JAK2: variants seen among roughly 807,000 people sequenced by gnomAD.
JAK2 encodes Janus kinase 2.
A neutral mutation model predicts 139.3 loss-of-function variants in JAK2; 86 were observed. The ratio of observed to expected loss-of-function variants is 0.62; its 90% CI spans 0.52 to 0.74. JAK2 has a LOEUF of 0.74. Among genes scored for constraint, JAK2 ranks in the 30% least tolerant of loss-of-function variants. JAK2 has a pLI of 0.00. For missense variants in JAK2, 1,421 were observed against 1,360.3 expected, an observed-to-expected ratio of 1.04 and a Z score of -0.70; for synonymous variants, 490 against 437.7, an observed-to-expected ratio of 1.12 and a Z score of -1.49.
At chr9:5,032,207 G>A (rs1469059593) in intron 4 of JAK2, among the ~76,000 whole-genome samples, 1 of 151,966 alleles carries the variant, frequency 6.6e-6, no homozygotes, top group Non-Finnish European at 1.5e-5. Context: ...GGGGAGGGGC[G>A]CCCGCCATTG....
At chr9:5,007,640 G>A (rs367635471) in intron 2 of JAK2, among the ~76,000 whole-genome samples, 3 of 151,474 alleles carry the variant, frequency 2.0e-5, no homozygotes, top group Admixed American at 6.6e-5. Flanking sequence ...AAGTAATTGC[G>A]TTTTTTACTC....
intron 22 of JAK2, among the ~76,000 whole-genome samples, chr9:5,115,709 C>T (rs1174838670): frequency 6.6e-6 from 1 of 152,206 alleles, no homozygotes; most frequent in Non-Finnish European, 1.5e-5. Context: ...GACACATATA[C>T]ACCATGGAAT....
intron 14 of JAK2, 83 bp from the exon 15 acceptor site, chr9:5,077,370 A>ATGTAAG: frequency 6.3e-6 from 3 of 474,446 alleles, no homozygotes; most frequent in African/African-American, 4.1e-5. Context: ...TAATGGTCAC[A>ATGTAAG]TGTAAGTATA....
At chr9:5,004,208 T>C (rs1234217722) in intron 2 of JAK2, among the ~76,000 whole-genome samples, 1 of 152,204 alleles carries the variant, frequency 6.6e-6, no homozygotes, top group Non-Finnish European at 1.5e-5. Context: ...ATCACCATGA[T>C]GTACAATAGA....
At chr9:4,995,663 A>C (rs1272009916) in intron 2 of JAK2, among the ~76,000 whole-genome samples, 1 of 152,192 alleles carries the variant, frequency 6.6e-6, no homozygotes, top group East Asian at 1.9e-4. Flanking sequence ...TTTGTTTCCA[A>C]GTCCTGTATA....
At chr9:5,123,222 T>A in intron 23 of JAK2, 101 bp downstream of exon 23, 1 of 699,110 alleles carries the variant, frequency 1.4e-6, no homozygotes, top group Non-Finnish European at 2.5e-6. Flanking sequence ...ATACATTGCA[T>A]AGTGGTGAAG....
At chr9:5,112,465 CG>C in intron 22 of JAK2, 1 of 543,486 alleles carries the variant, frequency 1.8e-6, no homozygotes. Context: ...GAAGGACCCC[CG>C]GGACCGGACC....
chr9:4,991,678 C>T (rs778364716), intron 2 of JAK2, among the ~76,000 whole-genome samples: 11 of 150,644 alleles, frequency 7.3e-5, no homozygotes, highest in African/African-American at 1.2e-4. Flanking sequence ...AACCAGCAAA[C>T]TCTTTCCCAC....
chr9:5,113,891 A>G (rs1379600956), intron 22 of JAK2: 1 of 217,272 alleles, frequency 4.6e-6, no homozygotes. Flanking sequence ...AAGATCTTAC[A>G]GTCCTCCTGT....
At position 5,090,496 on chromosome 9, in the gene JAK2, C is replaced by T. The variant is rs750978665; in HGVS notation, c.2812C>T (p.Arg938Ter). The change falls in exon 21 of 25, where the codon CGA becomes TGA. Residue 938 changes from arginine to a stop codon, truncating the protein, a stop_gained. Transcript: ENST00000381652. LOFTEE classifies it high-confidence loss of function. ...IMEYLPYGSL[R>*]DYLQKHKERI... ...GGAATATTTACCATATGGAAGTTTA[C>T]GAGACTATCTTCAAAAACATAAAGA... The T allele has an allele frequency of 3.8e-6, 6 of 1,588,764 alleles. No individual in the cohort carries two copies. Among genetic ancestry groups the T allele is most frequent in the Admixed American group, 3.5e-5 (2 of 57,260 alleles).
chr9:5,044,345 T>C (rs1816840948), intron 4 of JAK2, 58 bp from the exon 5 acceptor site: 1 of 1,011,488 alleles, frequency 9.9e-7, no homozygotes. Context: ...TATATATAGA[T>C]AGTACGTTTG....
At chr9:5,115,033 C>T (rs1823022448) in intron 22 of JAK2, among the ~76,000 whole-genome samples, 1 of 152,066 alleles carries the variant, frequency 6.6e-6, no homozygotes, top group South Asian at 2.1e-4. Flanking sequence ...ACTAAAACAC[C>T]AAAAGCAATG....
chr9:5,110,220 G>A (rs1822338725), intron 22 of JAK2: 1 of 152,194 alleles, frequency 6.6e-6, no homozygotes, highest in African/African-American at 2.4e-5. Context: ...CAGCACTATA[G>A]TTGTAGCAGG....
intron 13 of JAK2, 39 bp downstream of exon 13, chr9:5,072,665 G>T: frequency 6.8e-7 from 1 of 1,470,554 alleles, no homozygotes; most frequent in African/African-American, 1.4e-5. Flanking sequence ...AGTTTATGCT[G>T]TTTAAAGATG....
chr9:5,012,662 T>C (rs1182440919), intron 2 of JAK2, among the ~76,000 whole-genome samples: 2 of 152,194 alleles, frequency 1.3e-5, no homozygotes, highest in African/African-American at 2.4e-5. Context: ...TTTAGTAAGA[T>C]TTGTATCTCA....
rs1283476862 is a variant in JAK2 at position 5,081,846 on chromosome 9, A to G, written c.2556A>G (p.Leu852=). ...TTGAAGAGAGACATTTGAAATTTCTACAGCAACTTGGCAAGGTAAATTGTC... is the reference window on the plus strand; with the variant it reads ...TTGAAGAGAGACATTTGAAATTTCTGCAGCAACTTGGCAAGGTAAATTGTC... The part of the protein sequence containing the change: ...TQFEERHLKF[L]QQLGKGNFGS... Residue 852 remains leucine (L), a synonymous_variant, in exon 19 of 25, where the codon CTA becomes CTG. Transcript: ENST00000381652. 3 of 1,613,064 alleles carry G rather than the reference A, an allele frequency of 1.9e-6. No individual in the cohort carries two copies. Among genetic ancestry groups the G allele is most frequent in the Non-Finnish European group, 2.5e-6 (3 of 1,179,502 alleles).
chr9:5,022,606 CCAT>C (rs1822502486), intron 3 of JAK2, among the ~76,000 whole-genome samples: 1 of 152,098 alleles, frequency 6.6e-6, no homozygotes, highest in Non-Finnish European at 1.5e-5. Flanking sequence ...GGCTGACAAA[CCAT>C]CATTTTCTTC....
At chr9:5,067,769 A>C (rs1715287672) in intron 10 of JAK2, among the ~76,000 whole-genome samples, 2 of 152,190 alleles carry the variant, frequency 1.3e-5, no homozygotes, top group South Asian at 4.1e-4. Context: ...TGGACAAACA[A>C]AAATTTTCAA....
rs901353938 is a variant in JAK2 at position 5,084,856 on chromosome 9, A to G, written c.2571+2995A>G. On this transcript the variant is annotated intron_variant, in intron 19 of 24. Coordinates refer to ENST00000381652, the MANE Select transcript of JAK2 (RefSeq NM_004972.4). ...AAAGTTTTCTGAAAAAACTTTTGCA[A>G]TAAAACAAATTGCCCATCAATAAGT... is the stretch of plus-strand genomic sequence containing the variant. The G allele has an allele frequency of 1.3e-5, 5 of 383,760 alleles. 1 individual carries two copies. The highest frequency in any genetic ancestry group is 6.4e-5 in the South Asian group (3 of 47,202). 23.8% of individuals were successfully genotyped at this position (383,760 alleles called of 1,614,324 possible).
Sources: allele counts gnomAD v4.1 joint callset (sites outside exome capture counted in the v4.1 genomes callset), GRCh38; gene constraint gnomAD v4.1.1; transcripts MANE v1.5; gene names NCBI Gene and HGNC (gene_info 2026-07-23, HGNC 2026-07-21).